Variants in DTD1 observed in about 807,000 individuals in gnomAD.
The protein encoded by DTD1 is D-aminoacyl-tRNA deacylase 1.
A neutral mutation model predicts 25.6 loss-of-function variants in DTD1; 13 were observed. The ratio of observed to expected loss-of-function variants is 0.51; its 90% CI spans 0.33 to 0.81. DTD1 has a LOEUF of 0.81. Ranked by LOEUF, DTD1 falls within the 30% of genes least tolerant of loss-of-function variation. The pLI is 0.02. For synonymous variants in DTD1, 110 were observed against 103.6 expected (o/e 1.06, Z -0.37); for missense variants, 193 against 266.4 (o/e 0.72, Z 1.92).
chr20:18,674,247 A>T (rs2060961352), intron 4 of DTD1: 1 of 152,130 alleles, frequency 6.6e-6, no homozygotes, highest in Non-Finnish European at 1.5e-5. Context: ...CAACCCTGAG[A>T]TTATTACCAA....
chr20:18,713,857 G>T (rs1444698378), intron 4 of DTD1, among the ~76,000 whole-genome samples: 7 of 152,174 alleles, frequency 4.6e-5, no homozygotes, highest in Non-Finnish European at 8.8e-5. Flanking sequence ...CTCCTGTTGT[G>T]ACATAGCGTG....
chr20:18,677,385 G>A (rs754162267), intron 4 of DTD1, among the ~76,000 whole-genome samples: 3 of 151,970 alleles, frequency 2.0e-5, no homozygotes, highest in Non-Finnish European at 4.4e-5. Context: ...TTGATGAGAT[G>A]CTCCTAGTTT....
intron 4 of DTD1, among the ~76,000 whole-genome samples, chr20:18,741,166 T>C (rs1471805764): frequency 6.6e-6 from 1 of 152,262 alleles, no homozygotes; most frequent in East Asian, 1.9e-4. Context: ...TTTCTCAGCA[T>C]CTAACTTGGA....
rs114029038 is a variant in DTD1, at chr20:18,679,263, C to T, written c.477+51030C>T. 3.3e-3 allele frequency among the ~76,000 whole-genome samples: 499 copies of T among 152,304 alleles called. 3 individuals carry two copies. The highest frequency in any genetic ancestry group is 0.012 in the African/African-American group (480 of 41,556). On this transcript the variant is annotated intron_variant, in intron 4 of 5. Coordinates refer to ENST00000377452, the MANE Select transcript of DTD1 (RefSeq NM_080820.6). Reference sequence around the variant, plus strand: ...CGTGGTTAGTGCTGTTGGCAGTCACCATTATCAAAAGGATCAGGTGCCTAT... The same window carrying T: ...CGTGGTTAGTGCTGTTGGCAGTCACTATTATCAAAAGGATCAGGTGCCTAT...
chr20:18,660,007 T>G (rs933529432), intron 4 of DTD1, among the ~76,000 whole-genome samples: 5 of 151,994 alleles, frequency 3.3e-5, no homozygotes, highest in Admixed American at 6.6e-5. Context: ...GCCGAAGTGG[T>G]GGATCACTTG....
chr20:18,668,918 A>G (rs979620188), intron 4 of DTD1, among the ~76,000 whole-genome samples: 1 of 152,170 alleles, frequency 6.6e-6, no homozygotes, highest in Non-Finnish European at 1.5e-5. Context: ...CCTTGCTTTC[A>G]GAAATGTGTT....
chr20:18,712,966 T>C (rs1337302046), intron 4 of DTD1, among the ~76,000 whole-genome samples: 2 of 152,220 alleles, frequency 1.3e-5, no homozygotes, highest in Non-Finnish European at 2.9e-5. Context: ...CTCTCTGTAA[T>C]GGGATTACCA....
intron 3 of DTD1, among the ~76,000 whole-genome samples, chr20:18,624,606 C>T (rs182903904): frequency 1.3e-5 from 2 of 152,206 alleles, no homozygotes; most frequent in Admixed American, 1.3e-4. Context: ...CCTTGTAGGT[C>T]CTTTGGGGGG....
chr20:18,717,256 C>T (rs1316488556), intron 4 of DTD1, among the ~76,000 whole-genome samples: 2 of 152,142 alleles, frequency 1.3e-5, no homozygotes, highest in Non-Finnish European at 2.9e-5. Flanking sequence ...GGTGAGTTCA[C>T]CATAGTAGTA....
intron 4 of DTD1, among the ~76,000 whole-genome samples, chr20:18,734,138 T>C (rs1368082392): frequency 6.6e-6 from 1 of 152,230 alleles, no homozygotes; most frequent in Non-Finnish European, 1.5e-5. Flanking sequence ...ATAGATCTTG[T>C]AAAATGCCAC....
intron 3 of DTD1, among the ~76,000 whole-genome samples, chr20:18,622,806 A>G (rs759366531): frequency 1.3e-4 from 20 of 152,154 alleles, no homozygotes; most frequent in East Asian, 3.9e-4. Context: ...CTTGTTAGTG[A>G]TCTCTTTGGG....
At chr20:18,700,160 GC>G (rs1250262579) in intron 4 of DTD1, among the ~76,000 whole-genome samples, 3 of 152,180 alleles carry the variant, frequency 2.0e-5, no homozygotes, top group African/African-American at 7.2e-5. Context: ...TCCTTGGTGT[GC>G]CATGTCAGGG....
chr20:18,760,643 CT>C (rs1482141825), intron 5 of DTD1, among the ~76,000 whole-genome samples: 1 of 152,188 alleles, frequency 6.6e-6, no homozygotes, highest in African/African-American at 2.4e-5. Context: ...TAGTCTGCCC[CT>C]ACAGTGCGGT....
rs1177402082 is a variant in DTD1, at chr20:18,749,335, G to C, written c.*19+5064G>C. ...TGAGAGTGCTGCTCAGCATCGCCGT[G>C]GGGTGGGGAAGGCTCCAGAGGGTGT... On this transcript the variant is annotated intron_variant, in intron 5 of 5. Transcript: ENST00000377452. The surrounding 1 kb of genome is among the most constrained non-coding windows in gnomAD (Gnocchi z 4.2). 6.6e-6 allele frequency among the ~76,000 whole-genome samples: 1 copy of C among 152,274 alleles called. No homozygotes were observed. The highest frequency in any genetic ancestry group is 1.9e-4 in the East Asian group (1 of 5,180).
intron 4 of DTD1, among the ~76,000 whole-genome samples, chr20:18,708,290 TATATATA>T (rs1568676963): frequency 1.7e-5 from 1 of 59,168 alleles, no homozygotes; most frequent in African/African-American, 6.8e-5. Context: ...ATATATTATA[TATATATA>T]ATATATATAT....
At chr20:18,679,909 T>C (rs967058043) in intron 4 of DTD1, among the ~76,000 whole-genome samples, 1 of 152,196 alleles carries the variant, frequency 6.6e-6, no homozygotes, top group Admixed American at 6.5e-5. Context: ...TTCCTGGGGA[T>C]GCAGTAACAG....
At chr20:18,598,325 T>G (rs1167980968) in intron 3 of DTD1, among the ~76,000 whole-genome samples, 1 of 152,190 alleles carries the variant, frequency 6.6e-6, no homozygotes, top group Non-Finnish European at 1.5e-5. Context: ...TTTTTATGGC[T>G]CATTGTATTC....
At chr20:18,676,422 T>G (rs2060974990) in intron 4 of DTD1, among the ~76,000 whole-genome samples, 1 of 152,144 alleles carries the variant, frequency 6.6e-6, no homozygotes. Flanking sequence ...TATTCCTAAT[T>G]GTCTAAAGAA....
At chr20:18,618,857 C>T (rs929939411) in intron 3 of DTD1, among the ~76,000 whole-genome samples, 3 of 151,866 alleles carry the variant, frequency 2.0e-5, no homozygotes, top group Non-Finnish European at 4.4e-5. Flanking sequence ...GGATTACAGG[C>T]ACCTGCCACC....
Sources: gnomAD v4.1 joint callset for allele counts (sites outside exome capture counted in the v4.1 genomes callset) on GRCh38, gnomAD v4.1.1 for gene constraint, Gnocchi (gnomAD v3.1) non-coding constraint, MANE v1.5 for transcripts, NCBI Gene and HGNC (gene_info 2026-07-23, HGNC 2026-07-21) for gene names.